SLCO1C1: variants seen among roughly 807,000 people sequenced by gnomAD.
SLCO1C1 encodes solute carrier organic anion transporter family member 1C1.
Under a neutral mutation model 76.4 loss-of-function variants are expected in SLCO1C1, and 70 were observed. The observed-to-expected ratio is 0.92, with a 90% CI of 0.76 to 1.12. SLCO1C1 has a LOEUF of 1.12. SLCO1C1 is among the 50% of genes most tolerant of loss of function. The pLI, the probability that SLCO1C1 is intolerant of heterozygous loss-of-function variation, is 0.00. For synonymous variants in SLCO1C1, 306 were observed against 286.1 expected, an observed-to-expected ratio of 1.07 and a Z score of -0.70; for missense variants, 912 against 823.8, an observed-to-expected ratio of 1.11 and a Z score of -1.31.
intron 8 of SLCO1C1, 77 bp from the exon 9 acceptor site, chr12:20,723,013 A>T: frequency 1.5e-6 from 2 of 1,324,198 alleles, no homozygotes; most frequent in South Asian, 2.7e-5. Context: ...CAGCCCTGTA[A>T]GTCCTGCCAG....
intron 2 of SLCO1C1, 35 bp from the exon 3 acceptor site, chr12:20,701,283 G>A: frequency 7.0e-7 from 1 of 1,437,720 alleles, no homozygotes; most frequent in Non-Finnish European, 9.3e-7. Flanking sequence ...TGTCAAGCTG[G>A]AGTCAGACTA....
At chr12:20,724,470 T>TGC (rs1947859221) in intron 9 of SLCO1C1, among the ~76,000 whole-genome samples, 1 of 145,390 alleles carries the variant, frequency 6.9e-6, no homozygotes, top group East Asian at 2.0e-4. Context: ...TGTGTGTGTG[T>TGC]GTGTGTGTCA....
chr12:20,710,577 C>T (rs1036759853), intron 4 of SLCO1C1, among the ~76,000 whole-genome samples: 17 of 152,100 alleles, frequency 1.1e-4, no homozygotes, highest in African/African-American at 3.9e-4. Flanking sequence ...GCCCACTAAG[C>T]AATGGCTCTT....
chr12:20,717,457 C>CT, intron 7 of SLCO1C1, among the ~76,000 whole-genome samples: 1 of 151,572 alleles, frequency 6.6e-6, no homozygotes, highest in East Asian at 1.9e-4. Context: ...TAAGATCTAT[C>CT]TTTTTTCACT....
chr12:20,699,817 A>G (rs1253210933), intron 2 of SLCO1C1, 112 bp downstream of exon 2: 12 of 1,197,148 alleles, frequency 1.0e-5, no homozygotes, highest in Non-Finnish European at 1.3e-5. Flanking sequence ...AAAAAAAAAG[A>G]TCTTAGATGC....
intron 4 of SLCO1C1, among the ~76,000 whole-genome samples, chr12:20,709,044 T>C (rs1946925326): frequency 6.6e-6 from 1 of 152,146 alleles, no homozygotes; most frequent in African/African-American, 2.4e-5. Flanking sequence ...GCTTGGAGAA[T>C]TGATTCTGGT....
intron 4 of SLCO1C1, among the ~76,000 whole-genome samples, chr12:20,708,857 G>A (rs1169144693): frequency 6.6e-6 from 1 of 152,174 alleles, no homozygotes; most frequent in Non-Finnish European, 1.5e-5. Context: ...CAGTGGCCCT[G>A]GGGTTGGTTC....
At chr12:20,696,857 A>G (rs1042249816) in intron 1 of SLCO1C1, 1 of 152,098 alleles carries the variant, frequency 6.6e-6, no homozygotes, top group African/African-American at 2.4e-5. Context: ...TCCTTGGAAC[A>G]TACTACACTT....
intron 9 of SLCO1C1, 94 bp from the exon 10 acceptor site, chr12:20,732,810 ATAATT>A (rs1948351776): frequency 1.6e-6 from 2 of 1,237,616 alleles, no homozygotes; most frequent in Admixed American, 2.2e-5. Context: ...GACTATTTCT[ATAATT>A]TAAAGTGACA....
intron 3 of SLCO1C1, among the ~76,000 whole-genome samples, chr12:20,704,772 G>A (rs1946696408): frequency 6.6e-6 from 1 of 151,752 alleles, no homozygotes; most frequent in Admixed American, 6.6e-5. Flanking sequence ...GAAATGAGGA[G>A]AACTTCAAAG....
intron 3 of SLCO1C1, among the ~76,000 whole-genome samples, chr12:20,705,427 A>C (rs1472112327): frequency 1.3e-5 from 2 of 152,020 alleles, no homozygotes; most frequent in Non-Finnish European, 2.9e-5. Flanking sequence ...TTTATTAACA[A>C]ATCATAAAGT....
rs986339274 is a variant in SLCO1C1 at position 20,699,760 on chromosome 12, T to G, written c.129+55T>G. The stretch of plus-strand genomic sequence containing the variant: ...ATGCTCTTAGTTTTCTGTCCAGATA[T>G]CATCTATATAATGAAGTTAGAATGA... On this transcript the variant is annotated intron_variant, in intron 2 of 14. Transcript: ENST00000266509. 3.2e-5 allele frequency: 48 copies of G among 1,522,870 alleles called. No individual in the cohort carries two copies. The Admixed American group carries it at 1.0e-3, about 33-fold the overall frequency. 94.3% of individuals were successfully genotyped at this position (1,522,870 alleles called of 1,614,324 possible).
rs1291424024 is a variant in SLCO1C1, at chr12:20,706,031, C to T, written c.354C>T (p.Ile118=). ...RPKIIGAGCV[I]MGVGTLLIAM... is the part of the protein sequence containing the mutation. ...AAATAATTGGAGCAGGGTGTGTAAT[C>T]ATGGGAGTTGGAACACTGCTCATTG... Residue 118 remains isoleucine (I), a synonymous_variant, in exon 4 of 15, where the codon ATC becomes ATT. Transcript: ENST00000266509. The T allele has an allele frequency of 1.2e-6, 2 of 1,613,250 alleles. No homozygotes were observed. Among genetic ancestry groups the T allele is most frequent in the Non-Finnish European group, 1.7e-6 (2 of 1,179,434 alleles).
At chr12:20,705,105 C>T (rs552505407) in intron 3 of SLCO1C1, among the ~76,000 whole-genome samples, 7 of 151,946 alleles carry the variant, frequency 4.6e-5, no homozygotes, top group Non-Finnish European at 1.0e-4. Flanking sequence ...AGTATTTTTA[C>T]GCACAGCAAA....
At chr12:20,743,208 A>G in intron 12 of SLCO1C1, 97 bp from the exon 13 acceptor site, 1 of 1,177,710 alleles carries the variant, frequency 8.5e-7, no homozygotes. Flanking sequence ...CTTGAATTCT[A>G]ACATGATTTC....
chr12:20,700,684 A>G, intron 2 of SLCO1C1, among the ~76,000 whole-genome samples: 1 of 151,546 alleles, frequency 6.6e-6, no homozygotes, highest in East Asian at 2.0e-4. Context: ...CACTCAACAA[A>G]TCTCTGCTTT....
chr12:20,716,504 G>C (rs977385633), intron 6 of SLCO1C1, among the ~76,000 whole-genome samples: 1 of 152,170 alleles, frequency 6.6e-6, no homozygotes, highest in Non-Finnish European at 1.5e-5. Flanking sequence ...TATTTGGAAG[G>C]GAAGAACTAC....
At position 20,733,153 on chromosome 12, in the gene SLCO1C1, A is replaced by G. The variant is rs374927989; in HGVS notation, c.1382+49A>G. On this transcript the variant is annotated intron_variant, in intron 10 of 14. Transcript: ENST00000266509. Reference sequence around the variant, plus strand: ...TGAGGATATTGGTTTGTTTAATTAAATCAATTATTGGTGGAGTTGCAAAAA... The same window carrying G: ...TGAGGATATTGGTTTGTTTAATTAAGTCAATTATTGGTGGAGTTGCAAAAA... The G allele has an allele frequency of 9.6e-6, 14 of 1,459,848 alleles. No homozygotes were observed. In the African/African-American group the frequency reaches 1.9e-4, roughly 19 times the overall value. The allele number at this position is 1,459,848 out of a possible 1,614,324, so 90.4% of individuals were successfully genotyped here. A position where few individuals can be genotyped will look rare whatever the true frequency, so the allele number is the denominator to read the frequency against.
At position 20,715,216 on chromosome 12, in the gene SLCO1C1, C is replaced by T. The variant is rs764951035; in HGVS notation, c.607C>T (p.Pro203Ser). 4 of 1,614,070 alleles carry T rather than the reference C, an allele frequency of 2.5e-6. No homozygotes were observed. Among genetic ancestry groups the T allele is most frequent in the Non-Finnish European group, 3.4e-6 (4 of 1,179,938 alleles). ...GNLLRGIGET[P>S]IQPLGIAYLD... ...TCTTCTTCGTGGAATAGGAGAAACTCCCATTCAGCCTTTGGGCATTGCCTA... is the reference window on the plus strand; with the variant it reads ...TCTTCTTCGTGGAATAGGAGAAACTTCCATTCAGCCTTTGGGCATTGCCTA... Residue 203 changes from proline (P) to serine (S), a missense_variant, in exon 6 of 15, where the codon CCC (proline) becomes TCC (serine). Pro to Ser is a moderately conservative substitution (Grantham distance 74). Transcript: ENST00000266509.
Sources: allele counts gnomAD v4.1 joint callset (sites outside exome capture counted in the v4.1 genomes callset), GRCh38; gene constraint gnomAD v4.1.1; transcripts MANE v1.5; gene names NCBI Gene and HGNC (gene_info 2026-07-23, HGNC 2026-07-21).